Variants in BCR observed in about 807,000 individuals in gnomAD.
BCR encodes breakpoint cluster region protein.
In BCR, 58 loss-of-function variants were observed where a neutral mutation model predicts 138.6. That is an observed-to-expected ratio of 0.42 (90% CI 0.34 to 0.52). BCR has a LOEUF of 0.52. Among genes scored for constraint, BCR ranks in the 20% least tolerant of loss-of-function variants. The pLI is 0.06. For synonymous variants in BCR, 786 were observed against 730.1 expected, an observed-to-expected ratio of 1.08 and a Z score of -1.23; for missense variants, 1,599 against 1,727.2, an observed-to-expected ratio of 0.93 and a Z score of 1.32.
chr22:23,291,475 C>T (rs901912960), intron 14 of BCR, among the ~76,000 whole-genome samples: 6 of 152,004 alleles, frequency 3.9e-5, no homozygotes, highest in Non-Finnish European at 7.4e-5. Context: ...TCTCCTGGGC[C>T]CCTGTCTCTG....
chr22:23,298,548 CTTCCTTCCT>C (rs1409681926), intron 16 of BCR, among the ~76,000 whole-genome samples: 1 of 142,006 alleles, frequency 7.0e-6, no homozygotes, highest in Non-Finnish European at 1.5e-5. Context: ...CCTTCCTTCC[CTTCCTTCCT>C]TTTCTTTCTT....
intron 5 of BCR, among the ~76,000 whole-genome samples, chr22:23,271,211 C>T (rs906614952): frequency 7.2e-5 from 11 of 152,234 alleles, no homozygotes; most frequent in Non-Finnish European, 1.6e-4. Flanking sequence ...AGACGTGCTC[C>T]TGTACCTATA....
At chr22:23,314,812 G>A (rs2074050378) in intron 22 of BCR, 98 bp downstream of exon 22, 2 of 1,452,118 alleles carry the variant, frequency 1.4e-6, no homozygotes, top group Non-Finnish European at 1.9e-6. Context: ...TACTTGCATT[G>A]TATGTGGTGT....
intron 2 of BCR, chr22:23,254,572 C>CG (rs774443249): frequency 1.7e-5 from 9 of 518,772 alleles, no homozygotes; most frequent in Non-Finnish European, 3.5e-5. Context: ...GACCCACGCC[C>CG]CCCCTCACAT....
intron 1 of BCR, among the ~76,000 whole-genome samples, chr22:23,225,968 G>C (rs543377773): frequency 6.6e-6 from 1 of 152,220 alleles, no homozygotes. Flanking sequence ...AAAAGTAGGC[G>C]AGTGAAAAGC....
At chr22:23,295,550 A>G (rs1416334723) in intron 16 of BCR, among the ~76,000 whole-genome samples, 1 of 152,024 alleles carries the variant, frequency 6.6e-6, no homozygotes, top group Non-Finnish European at 1.5e-5. Context: ...CTGCAAGCAC[A>G]GGGGTCCCAG....
At chr22:23,291,655 G>A (rs3788360) in intron 14 of BCR, among the ~76,000 whole-genome samples, 53,152 of 151,772 alleles carry the variant, frequency 0.35, 10,407 homozygotes, top group African/African-American at 0.52. Flanking sequence ...TCCTTGCCCC[G>A]TGCACTCAAC....
At chr22:23,239,857 G>A (rs1414426101) in intron 1 of BCR, among the ~76,000 whole-genome samples, 3 of 150,640 alleles carry the variant, frequency 2.0e-5, no homozygotes, top group Non-Finnish European at 2.9e-5. Flanking sequence ...TCTGGCTCCA[G>A]TCCCAGGCTG....
intron 1 of BCR, among the ~76,000 whole-genome samples, chr22:23,202,723 G>GTGTGTGTGTA (rs2072568965): frequency 7.1e-6 from 1 of 140,444 alleles, no homozygotes; most frequent in South Asian, 2.2e-4. Flanking sequence ...TCAATTGTTT[G>GTGTGTGTGTA]TGTGTGTGTG....
intron 1 of BCR, among the ~76,000 whole-genome samples, chr22:23,201,144 C>A (rs1488003284): frequency 6.6e-6 from 1 of 152,246 alleles, no homozygotes; most frequent in Admixed American, 6.5e-5. Flanking sequence ...AAAAGTCACA[C>A]ACGTGCGCAG....
chr22:23,237,741 C>CTGGCCTTTGTAGTGGA (rs2073042603), intron 1 of BCR, among the ~76,000 whole-genome samples: 1 of 152,214 alleles, frequency 6.6e-6, no homozygotes, highest in African/African-American at 2.4e-5. Context: ...AGAGCCCTGG[C>CTGGCCTTTGTAGTGGA]TGGCCTTTGT....
chr22:23,304,204 T>C (rs539823687), intron 16 of BCR, among the ~76,000 whole-genome samples: 305 of 150,594 alleles, frequency 2.0e-3, no homozygotes, highest in Non-Finnish European at 3.7e-3. Flanking sequence ...CCTCCCAAAG[T>C]GCTGAGATTA....
chr22:23,309,523 A>G (rs1337058578), intron 17 of BCR, 40 bp downstream of exon 17: 2 of 1,552,382 alleles, frequency 1.3e-6, no homozygotes, highest in South Asian at 2.4e-5. Context: ...CACTTCCCCC[A>G]GAAGGATAGG....
chr22:23,274,690 A>G (rs1177802051), intron 8 of BCR, among the ~76,000 whole-genome samples: 1 of 152,048 alleles, frequency 6.6e-6, no homozygotes, highest in Non-Finnish European at 1.5e-5. Flanking sequence ...CGGGTGGATC[A>G]GGAGGTCAAG....
chr22:23,244,957 G>C (rs1179474280), intron 1 of BCR, among the ~76,000 whole-genome samples: 1 of 152,270 alleles, frequency 6.6e-6, no homozygotes, highest in Non-Finnish European at 1.5e-5. Flanking sequence ...TTGGAGACAG[G>C]GGATGGTCCT....
At chr22:23,234,626 G>A (rs1308626093) in intron 1 of BCR, among the ~76,000 whole-genome samples, 1 of 152,202 alleles carries the variant, frequency 6.6e-6, no homozygotes, top group East Asian at 1.9e-4. Context: ...GGTGGGCTGT[G>A]AAGAACTGGG....
chr22:23,183,763 T>C (rs773237345), intron 1 of BCR, among the ~76,000 whole-genome samples: 2 of 152,198 alleles, frequency 1.3e-5, no homozygotes, highest in African/African-American at 2.4e-5. Context: ...GATGTGCAAA[T>C]TGAAATTGAT....
chr22:23,242,429 A>G (rs2073104120), intron 1 of BCR, among the ~76,000 whole-genome samples: 1 of 152,234 alleles, frequency 6.6e-6, no homozygotes, highest in Admixed American at 6.5e-5. Flanking sequence ...GTATAGCAAG[A>G]AACAGGTCAG....
At chr22:23,244,536 G>A (rs757827499) in intron 1 of BCR, among the ~76,000 whole-genome samples, 5 of 152,076 alleles carry the variant, frequency 3.3e-5, no homozygotes, top group African/African-American at 9.7e-5. Context: ...CATGTGCTCC[G>A]GTGCCACCTG....
Sources: gnomAD v4.1 joint callset for allele counts (sites outside exome capture counted in the v4.1 genomes callset) on GRCh38, gnomAD v4.1.1 for gene constraint, MANE v1.5 for transcripts, NCBI Gene and HGNC (gene_info 2026-07-23, HGNC 2026-07-21) for gene names.